The following FRK variants were observed in gnomAD, a reference collection of about 807,000 sequenced individuals.
The protein encoded by FRK is fyn related Src family tyrosine kinase.
Under a neutral mutation model 56.4 loss-of-function variants are expected in FRK, and 51 were observed. That is an observed-to-expected ratio of 0.90 (90% CI 0.72 to 1.14). The LOEUF (loss-of-function observed/expected upper bound fraction) is 1.14, where lower values mean the gene tolerates loss of function less well. FRK is among the 50% of genes most tolerant of loss of function. The pLI, the probability that FRK is intolerant of heterozygous loss-of-function variation, is 0.00. For missense variants in FRK, 570 were observed against 601.4 expected, an observed-to-expected ratio of 0.95 and a Z score of 0.55; for synonymous variants, 245 against 217.9, an observed-to-expected ratio of 1.12 and a Z score of -1.10.
intron 1 of FRK, among the ~76,000 whole-genome samples, chr6:116,054,967 G>A (rs1393734334): frequency 6.6e-6 from 1 of 151,952 alleles, no homozygotes; most frequent in Admixed American, 6.6e-5. Flanking sequence ...TCATATCCCA[G>A]CTAAGAAAAA....
Position 115,979,255 on chromosome 6 carries a change from T to C in FRK, c.467-10516A>G, listed in dbSNP as rs61335620. Among the ~76,000 whole-genome samples the C allele has an allele frequency of 7.2e-3, 1,100 of 152,106 alleles. 10 individuals are homozygous for C. The highest frequency in any genetic ancestry group is 0.026 in the African/African-American group (1,068 of 41,490). ...TAGAACAAGGTGTGGATGTGGGAGA[T>C]AGTGATATTGATGATCCTGACCCTG... On this transcript the variant is annotated intron_variant, in intron 2 of 7. Coordinates refer to ENST00000606080, the MANE Select transcript of FRK (RefSeq NM_002031.3).
upstream of FRK, among the ~76,000 whole-genome samples, chr6:116,064,111 C>T (rs544258785): frequency 6.6e-6 from 1 of 152,348 alleles, no homozygotes; most frequent in East Asian, 1.9e-4. Flanking sequence ...AATCATGGTT[C>T]ATCACTCCTG....
At chr6:116,094,881 C>A in the FRK span, among the ~76,000 whole-genome samples, 1 of 151,920 alleles carries the variant, frequency 6.6e-6, no homozygotes, top group Non-Finnish European at 1.5e-5. Flanking sequence ...GAGAAAGAGA[C>A]AAAGAAGTCA....
chr6:115,955,158 A>T (rs1772935902), intron 5 of FRK, among the ~76,000 whole-genome samples: 1 of 152,062 alleles, frequency 6.6e-6, no homozygotes, highest in Admixed American at 6.6e-5. Flanking sequence ...GTCTTGGAGA[A>T]CTCCAAGATA....
Position 115,939,088 on chromosome 6 carries a change from A to G in FRK, c.*3326T>C, listed in dbSNP as rs1772105675. The G allele has an allele frequency of 6.6e-6, 1 of 152,110 alleles. No individual in the cohort carries two copies. Among genetic ancestry groups the G allele is most frequent in the African/African-American group, 2.4e-5 (1 of 41,420 alleles). 9.4% of individuals were successfully genotyped at this position (152,110 alleles called of 1,614,324 possible). Reference sequence around the variant, plus strand: ...ACGAACATCCATGCAAAAATCCTCAATAAAATACTGGCAAACTGAGTGCAG... The same window carrying G: ...ACGAACATCCATGCAAAAATCCTCAGTAAAATACTGGCAAACTGAGTGCAG... On this transcript the variant is annotated 3_prime_UTR_variant, in exon 8 of 8. Transcript: ENST00000606080.
In FRK at chr6:116,060,741, C is replaced by G. The variant is rs866070560; in HGVS notation, c.-430G>C. The G allele has an allele frequency of 6.2e-6, 1 of 161,480 alleles. No homozygotes were observed. Among genetic ancestry groups the G allele is most frequent in the Non-Finnish European group, 1.4e-5 (1 of 73,748 alleles). 10.0% of individuals were successfully genotyped at this position (161,480 alleles called of 1,614,324 possible). A position where few individuals can be genotyped will look rare whatever the true frequency, so the allele number is the denominator to read the frequency against. On this transcript the variant is annotated 5_prime_UTR_variant, in exon 1 of 8. Transcript: ENST00000606080. Reference sequence around the variant, plus strand: ...CTACTAACCCCTGGTAAAACCTCCACGTCTTGCTTTCGCCAGGAGCTCTCC... The same window carrying G: ...CTACTAACCCCTGGTAAAACCTCCAGGTCTTGCTTTCGCCAGGAGCTCTCC...
intron 5 of FRK, among the ~76,000 whole-genome samples, chr6:115,951,896 T>A (rs547164995): frequency 6.6e-6 from 1 of 152,298 alleles, no homozygotes; most frequent in Admixed American, 6.5e-5. Flanking sequence ...ACATTTGCAG[T>A]AAGAAAATAT....
chr6:116,088,114 G>T, the FRK span, among the ~76,000 whole-genome samples: 1 of 152,124 alleles, frequency 6.6e-6, no homozygotes, highest in East Asian at 1.9e-4. Context: ...TTGAACCACC[G>T]TTGCCTACAA....
At chr6:116,067,765 C>A in the FRK span, among the ~76,000 whole-genome samples, 2 of 152,120 alleles carry the variant, frequency 1.3e-5, no homozygotes, top group Non-Finnish European at 2.9e-5. Flanking sequence ...AGTGAAATAT[C>A]TCTAAAGATT....
At chr6:116,038,779 TG>T in intron 1 of FRK, 4 of 492,602 alleles carry the variant, frequency 8.1e-6, no homozygotes, top group African/African-American at 2.0e-5. Flanking sequence ...GGAAGTTCGT[TG>T]GGGGGAACTG....
At chr6:115,950,946 A>G (rs1382960445) in intron 5 of FRK, among the ~76,000 whole-genome samples, 1 of 152,204 alleles carries the variant, frequency 6.6e-6, no homozygotes, top group Non-Finnish European at 1.5e-5. Flanking sequence ...GCATGTTCTC[A>G]CTCATAAGTG....
At chr6:116,044,324 C>T (rs943638093) in intron 1 of FRK, among the ~76,000 whole-genome samples, 7 of 152,140 alleles carry the variant, frequency 4.6e-5, no homozygotes, top group South Asian at 2.1e-4. Context: ...AACATCAATG[C>T]GAAAATCCTC....
chr6:116,000,363 C>T (rs1039615487), intron 2 of FRK, among the ~76,000 whole-genome samples: 19 of 151,262 alleles, frequency 1.3e-4, no homozygotes, highest in Admixed American at 1.1e-3. Context: ...GTGCCTCAGC[C>T]TCCCTAGTAG....
intron 5 of FRK, among the ~76,000 whole-genome samples, chr6:115,945,791 C>T (rs147035871): frequency 6.6e-6 from 1 of 152,204 alleles, no homozygotes; most frequent in Admixed American, 6.5e-5. Context: ...GAATAGGTTG[C>T]TCATCTCTCC....
At chr6:115,958,716 A>AAAGAAAGAAAGAAAG (rs1773167180) in intron 4 of FRK, among the ~76,000 whole-genome samples, 1 of 20,282 alleles carries the variant, frequency 4.9e-5, no homozygotes, top group African/African-American at 2.0e-4. Flanking sequence ...AGAAAGAAAG[A>AAAGAAAGAAAGAAAG]AAGAAAGAAA....
intron 2 of FRK, among the ~76,000 whole-genome samples, chr6:115,974,863 C>A (rs1179960169): frequency 1.3e-5 from 2 of 152,118 alleles, no homozygotes; most frequent in Admixed American, 1.3e-4. Context: ...CACTCGAGCT[C>A]CTCCTTTCTA....
intron 2 of FRK, among the ~76,000 whole-genome samples, chr6:115,990,588 T>C (rs1179171948): frequency 2.0e-5 from 3 of 151,904 alleles, no homozygotes; most frequent in Admixed American, 1.3e-4. Flanking sequence ...GTTTTGGCTA[T>C]GTGGCTTTAT....
At chr6:116,080,302 C>A in the FRK span, among the ~76,000 whole-genome samples, 1 of 152,080 alleles carries the variant, frequency 6.6e-6, no homozygotes, top group Non-Finnish European at 1.5e-5. Context: ...ACTACAGGCA[C>A]CTGCCACCAC....
rs556721268 is a variant in FRK at position 115,935,837 on chromosome 6, G to C, written c.*6577C>G. ...CTGGGCAGGGCAACTCTAAAAAAAA[G>C]GCAGTCAGGGACTAATAGATAAAAC... is the stretch of plus-strand genomic sequence containing the variant. On this transcript the variant is annotated 3_prime_UTR_variant, in exon 8 of 8. Transcript: ENST00000606080. The C allele has an allele frequency of 6.6e-6, 1 of 152,378 alleles. No homozygotes were observed. Among genetic ancestry groups the C allele is most frequent in the African/African-American group, 2.4e-5 (1 of 41,578 alleles). 9.4% of individuals were successfully genotyped at this position (152,378 alleles called of 1,614,324 possible).
Sources: gnomAD v4.1 joint callset for allele counts (sites outside exome capture counted in the v4.1 genomes callset) on GRCh38, gnomAD v4.1.1 for gene constraint, MANE v1.5 for transcripts, NCBI Gene and HGNC (gene_info 2026-07-23, HGNC 2026-07-21) for gene names.